GAREM1: variants seen among roughly 807,000 people sequenced by gnomAD.
GAREM1 encodes GRB2-associated and regulator of MAPK protein 1.
GAREM1 carries 26 observed loss-of-function variants against 71.3 expected under a neutral mutation model. That is an observed-to-expected ratio of 0.36 (90% CI 0.27 to 0.51). GAREM1 has a LOEUF of 0.51. GAREM1 is among the 20% of genes least tolerant of loss of function. The pLI, the probability that GAREM1 is intolerant of heterozygous loss-of-function variation, is 0.95. For missense variants in GAREM1, 1,026 were observed against 1,103.1 expected, an observed-to-expected ratio of 0.93 and a Z score of 0.99; for synonymous variants, 440 against 433.2, an observed-to-expected ratio of 1.02 and a Z score of -0.20.
intron 2 of GAREM1, among the ~76,000 whole-genome samples, chr18:32,348,084 T>G (rs909131827): frequency 6.6e-6 from 1 of 152,250 alleles, no homozygotes; most frequent in Admixed American, 6.5e-5. Flanking sequence ...TTGAAACTTC[T>G]ATAAAAAGCC....
chr18:32,422,919 G>T lies in GAREM1; in HGVS notation c.122-29884C>A, dbSNP rs576174769. Among the ~76,000 whole-genome samples the T allele has an allele frequency of 9.9e-5, 15 of 152,276 alleles. No individual in the cohort carries two copies. The South Asian group carries it at 2.9e-3, about 29-fold the overall frequency. On this transcript the variant is annotated intron_variant, in intron 1 of 5. Coordinates refer to ENST00000269209, the MANE Select transcript of GAREM1 (RefSeq NM_001242409.2). ...GTACAAGGTTCCTGATCAGTCAGTG[G>T]CGACAGCAAGACTAGAACTCGGCCT... is the stretch of plus-strand genomic sequence containing the variant.
At chr18:32,318,372 T>C (rs555720306) in intron 2 of GAREM1, among the ~76,000 whole-genome samples, 1 of 152,220 alleles carries the variant, frequency 6.6e-6, no homozygotes, top group South Asian at 2.1e-4. Context: ...TCCAAATCCT[T>C]CCTTCATCTA....
At chr18:32,400,565 A>G (rs1421358078) in intron 1 of GAREM1, among the ~76,000 whole-genome samples, 1 of 152,274 alleles carries the variant, frequency 6.6e-6, no homozygotes, top group Non-Finnish European at 1.5e-5. Context: ...CAACAGACAC[A>G]TGAAAAAATG....
intron 1 of GAREM1, among the ~76,000 whole-genome samples, chr18:32,429,747 T>G (rs1387304110): frequency 5.3e-5 from 8 of 152,216 alleles, no homozygotes; most frequent in Non-Finnish European, 1.0e-4. Flanking sequence ...AAAGCACTAA[T>G]CCAACTAAAG....
At chr18:32,282,482 G>C (rs2046964702) in intron 4 of GAREM1, among the ~76,000 whole-genome samples, 1 of 152,184 alleles carries the variant, frequency 6.6e-6, no homozygotes, top group South Asian at 2.1e-4. Flanking sequence ...TCCCCAGATA[G>C]GACACTGCCA....
intron 1 of GAREM1, among the ~76,000 whole-genome samples, chr18:32,415,702 T>C (rs1361440496): frequency 6.6e-6 from 1 of 152,056 alleles, no homozygotes; most frequent in Non-Finnish European, 1.5e-5. Context: ...CTCAAAAAAC[T>C]GGGTATAGAA....
At chr18:32,424,176 G>C (rs1179528911) in intron 1 of GAREM1, among the ~76,000 whole-genome samples, 1 of 151,960 alleles carries the variant, frequency 6.6e-6, no homozygotes, top group Non-Finnish European at 1.5e-5. Context: ...TGTCTCACAG[G>C]AGTACTTCCA....
chr18:32,330,789 T>C (rs1050934466), intron 2 of GAREM1, among the ~76,000 whole-genome samples: 5 of 152,162 alleles, frequency 3.3e-5, no homozygotes, highest in African/African-American at 1.2e-4. Context: ...AAGATTAGTA[T>C]TTTAAACATT....
chr18:32,299,513 CA>C (rs57549959), intron 3 of GAREM1, among the ~76,000 whole-genome samples: 3,060 of 69,248 alleles, frequency 0.044, 63 homozygotes, highest in African/African-American at 0.13. Context: ...GACCCCATCT[CA>C]AAAAAAAAAA....
At position 32,363,903 on chromosome 18, in the gene GAREM1, T is replaced by TAC. The variant is rs151234771; in HGVS notation, c.262+28990_262+28991dup. On this transcript the variant is annotated intron_variant, in intron 2 of 5. Transcript: ENST00000269209. ...TTTCATCATATTTTGGTCAAGGTTATACACACACACACACATAAAAAAATA... is the reference window on the plus strand; with the variant it reads ...TTTCATCATATTTTGGTCAAGGTTATACACACACACACACACATAAAAAAATA... Among the ~76,000 whole-genome samples, 380 of 142,862 alleles carry TAC rather than the reference T, an allele frequency of 2.7e-3. 2 individuals carry two copies. The highest frequency in any genetic ancestry group is 4.1e-3 in the Admixed American group (57 of 14,052). The allele number at this position is 142,862 out of a possible 152,430, so 93.7% of individuals were successfully genotyped here.
Position 32,268,482 on chromosome 18 carries a change from A to G in GAREM1, c.2020T>C (p.Cys674Arg). Residue 674 changes from cysteine to arginine, a missense_variant, in exon 6 of 6, where the codon TGT becomes CGT. Physicochemically the swap from Cys to Arg is radical, Grantham distance 180 (BLOSUM62 -3). Transcript: ENST00000269209. Reference protein sequence around the residue: ...NCPAPFDFDGCELLASPTSPV... With the variant: ...NCPAPFDFDGRELLASPTSPV... ...CTAGTGGGGCTGGCCAGGAGCTCAC[A>G]GCCATCAAAATCAAAAGGTGCTGGG... The G allele has an allele frequency of 6.2e-7, 1 of 1,614,182 alleles. No individual in the cohort carries two copies. Among genetic ancestry groups the G allele is most frequent in the South Asian group, 1.1e-5 (1 of 91,082 alleles).
At chr18:32,463,811 C>G (rs139490613) in intron 1 of GAREM1, among the ~76,000 whole-genome samples, 1,836 of 151,594 alleles carry the variant, frequency 0.012, 17 homozygotes, top group Middle Eastern at 0.02. Flanking sequence ...CCTCGTGATC[C>G]GCCCACCTCA....
intron 1 of GAREM1, among the ~76,000 whole-genome samples, chr18:32,424,711 G>A (rs1446876946): frequency 6.6e-6 from 1 of 152,038 alleles, no homozygotes; most frequent in Admixed American, 6.6e-5. Flanking sequence ...TAAAAATAAA[G>A]CTTTAAGCAT....
At chr18:32,408,383 AAACT>A (rs1344449637) in intron 1 of GAREM1, among the ~76,000 whole-genome samples, 1 of 152,202 alleles carries the variant, frequency 6.6e-6, no homozygotes, top group East Asian at 1.9e-4. Flanking sequence ...GTTATTGATA[AAACT>A]AAGTCAGGAG....
intron 2 of GAREM1, among the ~76,000 whole-genome samples, chr18:32,351,072 AT>A (rs2047745667): frequency 6.6e-6 from 1 of 152,088 alleles, no homozygotes; most frequent in African/African-American, 2.4e-5. Flanking sequence ...TGATTCCTCA[AT>A]TTCTAATTTT....
intron 2 of GAREM1, among the ~76,000 whole-genome samples, chr18:32,379,346 A>G (rs2048070134): frequency 1.3e-5 from 2 of 151,378 alleles, no homozygotes; most frequent in Admixed American, 1.3e-4. Flanking sequence ...CAATATTTCA[A>G]TGGAGTCTCT....
chr18:32,403,072 T>G (rs1358489248), intron 1 of GAREM1, among the ~76,000 whole-genome samples: 1 of 151,932 alleles, frequency 6.6e-6, no homozygotes, highest in Non-Finnish European at 1.5e-5. Context: ...CGTGCACCAC[T>G]ACACCCAGCT....
At chr18:32,461,764 A>G (rs1461032172) in intron 1 of GAREM1, among the ~76,000 whole-genome samples, 2 of 152,222 alleles carry the variant, frequency 1.3e-5, no homozygotes, top group Non-Finnish European at 2.9e-5. Context: ...TACATAAACC[A>G]GAAATAAAAG....
At chr18:32,409,778 G>A (rs1338197952) in intron 1 of GAREM1, among the ~76,000 whole-genome samples, 2 of 151,978 alleles carry the variant, frequency 1.3e-5, no homozygotes, top group Admixed American at 6.6e-5. Flanking sequence ...AGATTTCTAC[G>A]CCAAGCAACT....
Sources: gnomAD v4.1 joint callset for allele counts (sites outside exome capture counted in the v4.1 genomes callset) on GRCh38, gnomAD v4.1.1 for gene constraint, MANE v1.5 for transcripts, NCBI Gene and HGNC (gene_info 2026-07-23, HGNC 2026-07-21) for gene names.